The following NEK10 variants were observed in gnomAD, a reference collection of about 807,000 sequenced individuals.
NEK10 encodes the protein serine/threonine-protein kinase Nek10.
In NEK10, 122 loss-of-function variants were observed where a neutral mutation model predicts 159.8. That is an observed-to-expected ratio of 0.76 (90% CI 0.66 to 0.89). The LOEUF is 0.89. NEK10 is among the 40% of genes least tolerant of loss of function. The pLI is 0.00. For synonymous variants in NEK10, 466 were observed against 457.1 expected (o/e 1.02, Z -0.25); for missense variants, 1,342 against 1,323.1 (o/e 1.01, Z -0.22).
intron 22 of NEK10, among the ~76,000 whole-genome samples, chr3:27,271,198 C>CCTAT (rs1195061653): frequency 7.1e-6 from 1 of 140,766 alleles, no homozygotes; most frequent in East Asian, 2.0e-4. Flanking sequence ...TATCTATCTA[C>CCTAT]CTATCTATCT....
chr3:27,126,596 A>G (rs1271906892), intron 32 of NEK10, among the ~76,000 whole-genome samples: 2 of 152,142 alleles, frequency 1.3e-5, no homozygotes, highest in African/African-American at 4.8e-5. Flanking sequence ...CTGGAAGATG[A>G]TTGGAAGAGC....
chr3:27,274,774 T>G (rs2041644343), intron 22 of NEK10, among the ~76,000 whole-genome samples: 1 of 152,118 alleles, frequency 6.6e-6, no homozygotes. Context: ...CTTAGCTGGC[T>G]GGAAATGCTG....
intron 23 of NEK10, among the ~76,000 whole-genome samples, chr3:27,222,549 A>C (rs922211845): frequency 6.6e-6 from 1 of 152,184 alleles, no homozygotes; most frequent in African/African-American, 2.4e-5. Context: ...ATTATATGTG[A>C]TTGTGATTTT....
At chr3:27,151,887 T>G (rs1944913036) in intron 30 of NEK10, among the ~76,000 whole-genome samples, 1 of 152,068 alleles carries the variant, frequency 6.6e-6, no homozygotes, top group South Asian at 2.1e-4. Context: ...GCAATAGAAT[T>G]GAACAAGTAG....
chr3:27,126,995 G>A (rs1307124967), intron 32 of NEK10, among the ~76,000 whole-genome samples: 5 of 150,754 alleles, frequency 3.3e-5, no homozygotes, highest in South Asian at 2.1e-4. Context: ...GGAGAAGCCC[G>A]GAATACACTA....
intron 22 of NEK10, among the ~76,000 whole-genome samples, chr3:27,268,067 G>A (rs1468937624): frequency 6.6e-6 from 1 of 152,244 alleles, no homozygotes; most frequent in Non-Finnish European, 1.5e-5. Flanking sequence ...TTAAGCCAAT[G>A]CCCAATCTGG....
intron 8 of NEK10, 150 bp from the exon 9 acceptor site, chr3:27,311,166 C>T (rs565883596): frequency 1.1e-4 from 52 of 491,552 alleles, no homozygotes; most frequent in African/African-American, 9.5e-4. Flanking sequence ...AGCAGCATGG[C>T]TACTTTTTTA....
At position 27,269,652 on chromosome 3, in the gene NEK10, A is replaced by G. The variant is rs539135767; in HGVS notation, c.2015-13281T>C. 1.1e-3 allele frequency among the ~76,000 whole-genome samples: 174 copies of G among 152,328 alleles called. 1 individual carries two copies. The highest frequency in any genetic ancestry group is 3.5e-3 in the African/African-American group (146 of 41,576). On this transcript the variant is annotated intron_variant, in intron 22 of 35. Transcript: ENST00000691995. The stretch of plus-strand genomic sequence containing the variant: ...CAACGTGTACAAACTGAAAAACCAA[A>G]AAGTTTATATGACTTGCTTTATTGC...
intron 22 of NEK10, among the ~76,000 whole-genome samples, chr3:27,267,321 AGAG>A (rs2040979629): frequency 6.6e-6 from 1 of 152,158 alleles, no homozygotes; most frequent in South Asian, 2.1e-4. Context: ...CCTCAGCCCT[AGAG>A]GTAGTAGCTG....
At chr3:27,213,998 C>T in intron 23 of NEK10, among the ~76,000 whole-genome samples, 1 of 152,178 alleles carries the variant, frequency 6.6e-6, no homozygotes. Context: ...CCTCTAAGGG[C>T]AGCCACCTAT....
intron 19 of NEK10, 141 bp downstream of exon 19, chr3:27,290,476 G>A (rs532285620): frequency 2.5e-5 from 15 of 592,364 alleles, no homozygotes; most frequent in South Asian, 1.6e-4. Flanking sequence ...AAAAAAGCTG[G>A]CAAAAATATC....
intron 25 of NEK10, among the ~76,000 whole-genome samples, chr3:27,196,789 A>G (rs187968145): frequency 2.6e-5 from 4 of 152,350 alleles, no homozygotes; most frequent in African/African-American, 4.8e-5. Context: ...ATGAGCAAAT[A>G]TGGTACTTTT....
intron 4 of NEK10, 150 bp from the exon 5 acceptor site, chr3:27,344,520 C>G (rs930545672): frequency 1.5e-5 from 7 of 466,310 alleles, no homozygotes; most frequent in African/African-American, 6.0e-5. Flanking sequence ...ATTGAAGGAG[C>G]CTTGCGTTTA....
At chr3:27,263,618 G>T (rs993290391) in intron 22 of NEK10, among the ~76,000 whole-genome samples, 5 of 152,202 alleles carry the variant, frequency 3.3e-5, no homozygotes, top group South Asian at 2.1e-4. Flanking sequence ...CTCCGAGCCA[G>T]GCACGGGATA....
intron 19 of NEK10, among the ~76,000 whole-genome samples, chr3:27,289,245 A>G (rs2042831601): frequency 6.6e-6 from 1 of 152,242 alleles, no homozygotes; most frequent in African/African-American, 2.4e-5. Flanking sequence ...TGAAAGAGAA[A>G]TAACCCACTG....
chr3:27,319,100 A>C (rs1182953539), intron 6 of NEK10, among the ~76,000 whole-genome samples: 2 of 152,190 alleles, frequency 1.3e-5, no homozygotes. Flanking sequence ...GGCTGAGAGA[A>C]GTCTACTCAA....
intron 5 of NEK10, among the ~76,000 whole-genome samples, chr3:27,327,203 G>A (rs2046065989): frequency 6.6e-6 from 1 of 152,166 alleles, no homozygotes; most frequent in South Asian, 2.1e-4. Context: ...AGGGATGGCT[G>A]AAGAGAAAGT....
intron 10 of NEK10, 73 bp from the exon 11 acceptor site, chr3:27,308,018 C>A: frequency 1.3e-6 from 1 of 762,586 alleles, no homozygotes; most frequent in African/African-American, 1.7e-5. Flanking sequence ...CTTTTTCAAA[C>A]TGGTATAAAG....
At chr3:27,250,711 T>C (rs1234295877) in intron 23 of NEK10, among the ~76,000 whole-genome samples, 1 of 152,154 alleles carries the variant, frequency 6.6e-6, no homozygotes, top group African/African-American at 2.4e-5. Flanking sequence ...AATTTTTTTT[T>C]TCCTTCAGCA....
Sources: allele counts gnomAD v4.1 joint callset (sites outside exome capture counted in the v4.1 genomes callset), GRCh38; gene constraint gnomAD v4.1.1; transcripts MANE v1.5; gene names NCBI Gene and HGNC (gene_info 2026-07-23, HGNC 2026-07-21).